Variants in SGCZ observed in about 807,000 individuals in gnomAD.
The protein encoded by SGCZ is sarcoglycan zeta, also known as zeta-sarcoglycan.
SGCZ carries 40 observed loss-of-function variants against 41.3 expected under a neutral mutation model. That is an observed-to-expected ratio of 0.97 (90% CI 0.75 to 1.26). SGCZ has a LOEUF of 1.26. SGCZ is among the 50% of genes most tolerant of loss of function. SGCZ has a pLI of 0.00. For synonymous variants in SGCZ, 206 were observed against 137.5 expected (o/e 1.50, Z -3.49); for missense variants, 552 against 369.8 (o/e 1.49, Z -4.04).
chr8:14,336,985 CA>C (rs1352532660), intron 2 of SGCZ, among the ~76,000 whole-genome samples: 1 of 152,100 alleles, frequency 6.6e-6, no homozygotes, highest in Non-Finnish European at 1.5e-5. Context: ...TCCAGGTGTA[CA>C]GAGGGAAGTG....
chr8:15,172,154 G>GTTTTTTTTTTTTTTTTTTTTTTTTTTTT (rs1183210302), intron 1 of SGCZ, among the ~76,000 whole-genome samples: 1 of 71,774 alleles, frequency 1.4e-5, no homozygotes, highest in African/African-American at 5.1e-5. Flanking sequence ...TTTATACTCT[G>GTTTTTTTTTTTTTTTTTTTTTTTTTTTT]TTTTTTTTTT....
chr8:15,108,004 TAC>T (rs1585569590), intron 1 of SGCZ, among the ~76,000 whole-genome samples: 1 of 152,208 alleles, frequency 6.6e-6, no homozygotes, highest in African/African-American at 2.4e-5. Context: ...TTCGAATTTA[TAC>T]AGTCTTATTT....
At chr8:15,047,838 G>A (rs1804368598) in intron 1 of SGCZ, among the ~76,000 whole-genome samples, 1 of 152,112 alleles carries the variant, frequency 6.6e-6, no homozygotes, top group Middle Eastern at 3.4e-3. Context: ...ACAAACAACA[G>A]ATACTGGTGA....
chr8:14,690,228 T>C (rs1281848856), intron 1 of SGCZ, among the ~76,000 whole-genome samples: 1 of 151,898 alleles, frequency 6.6e-6, no homozygotes, highest in Non-Finnish European at 1.5e-5. Flanking sequence ...CCTATTACGG[T>C]CTGAAATAAT....
intron 1 of SGCZ, among the ~76,000 whole-genome samples, chr8:14,951,457 T>C (rs1356940416): frequency 3.9e-5 from 6 of 152,060 alleles, no homozygotes; most frequent in African/African-American, 1.4e-4. Context: ...TAACTTATTC[T>C]TAAATACTTC....
rs35421677 is a variant in SGCZ at position 15,223,856 on chromosome 8, T to TTTTATTTA, written c.39+13721_39+13728dup. 6.3e-3 allele frequency among the ~76,000 whole-genome samples: 951 copies of TTTTATTTA among 149,770 alleles called. 7 individuals are homozygous for TTTTATTTA. Among genetic ancestry groups the TTTTATTTA allele is most frequent in the African/African-American group, 0.013 (525 of 40,658 alleles). ...GCCAGCGAAAAGCTCCTTTTTAAAT[T>TTTTATTTA]TTTATTTATTTATTTATTTATTTAT... On this transcript the variant is annotated intron_variant, in intron 1 of 7. Coordinates refer to ENST00000382080, the MANE Select transcript of SGCZ (RefSeq NM_139167.4).
In SGCZ at chr8:14,823,494, TC is replaced by T. The variant is rs1223215217; in HGVS notation, c.40-268569del. Reference sequence around the variant, plus strand: ...ATGAAAAAATGCTCAACATTTCTAATCGTCAAGCAACTACAACTTAAAGTTA... The same window carrying T: ...ATGAAAAAATGCTCAACATTTCTAATGTCAAGCAACTACAACTTAAAGTTA... On this transcript the variant is annotated intron_variant, in intron 1 of 7. Coordinates refer to ENST00000382080, the MANE Select transcript of SGCZ (RefSeq NM_139167.4). Among the ~76,000 whole-genome samples the T allele has an allele frequency of 3.3e-5, 5 of 152,150 alleles. No homozygotes were observed. In the East Asian group the frequency reaches 9.6e-4, roughly 29 times the overall value.
intron 2 of SGCZ, among the ~76,000 whole-genome samples, chr8:14,551,472 AT>A (rs1230210238): frequency 0.42 from 7,895 of 18,654 alleles, 2,639 homozygotes; most frequent in African/African-American, 0.65. Flanking sequence ...TATTATATAT[AT>A]TATATATTAT....
chr8:14,179,676 C>T (rs1035051345), intron 4 of SGCZ, among the ~76,000 whole-genome samples: 1 of 152,168 alleles, frequency 6.6e-6, no homozygotes, highest in East Asian at 1.9e-4. Context: ...GGGCTGAGCA[C>T]AGTCATCAAA....
At chr8:14,951,424 C>A (rs931147) in intron 1 of SGCZ, among the ~76,000 whole-genome samples, 82,159 of 151,718 alleles carry the variant, frequency 0.54, 22,396 homozygotes, top group Admixed American at 0.6. Context: ...AGGAAAGAGG[C>A]TATTTTTACA....
intron 1 of SGCZ, among the ~76,000 whole-genome samples, chr8:15,214,753 T>C (rs1411878886): frequency 6.6e-6 from 1 of 152,158 alleles, no homozygotes; most frequent in Non-Finnish European, 1.5e-5. Context: ...TGACTTACCT[T>C]CTTCTTTCAA....
At chr8:14,279,174 G>T (rs1800338486) in intron 3 of SGCZ, among the ~76,000 whole-genome samples, 1 of 151,830 alleles carries the variant, frequency 6.6e-6, no homozygotes, top group South Asian at 2.1e-4. Flanking sequence ...AAGCTCAATA[G>T]GTCCCTGAGG....
At chr8:14,150,557 T>A (rs542627042) in intron 5 of SGCZ, among the ~76,000 whole-genome samples, 56 of 152,284 alleles carry the variant, frequency 3.7e-4, no homozygotes, top group African/African-American at 1.3e-3. Flanking sequence ...AGGGAACCCT[T>A]GTATACTATT....
At chr8:14,995,029 T>C (rs1802164579) in intron 1 of SGCZ, among the ~76,000 whole-genome samples, 1 of 152,234 alleles carries the variant, frequency 6.6e-6, no homozygotes, top group South Asian at 2.1e-4. Context: ...CTGTGTTTCT[T>C]AGGACCATGA....
intron 1 of SGCZ, among the ~76,000 whole-genome samples, chr8:14,770,150 T>C: frequency 1.4e-5 from 1 of 70,838 alleles, no homozygotes; most frequent in Non-Finnish European, 2.4e-5. Flanking sequence ...ATATACATAA[T>C]ATATTTAACA....
chr8:14,849,474 A>G (rs1803242679), intron 1 of SGCZ, among the ~76,000 whole-genome samples: 1 of 152,204 alleles, frequency 6.6e-6, no homozygotes, highest in Non-Finnish European at 1.5e-5. Flanking sequence ...ATCAATAAAC[A>G]GAATCAGAAT....
At chr8:15,119,180 G>C (rs1028204811) in intron 1 of SGCZ, among the ~76,000 whole-genome samples, 38 of 152,058 alleles carry the variant, frequency 2.5e-4, no homozygotes, top group Non-Finnish European at 1.2e-4. Flanking sequence ...AAATAGCAAT[G>C]AACATCAAAA....
At chr8:14,298,987 T>C (rs62497771) in intron 3 of SGCZ, among the ~76,000 whole-genome samples, 7,399 of 152,100 alleles carry the variant, frequency 0.049, 269 homozygotes, top group East Asian at 0.17. Flanking sequence ...ATTATATTGG[T>C]ATAATGAAAG....
chr8:14,885,376 C>T (rs187037785), intron 1 of SGCZ, among the ~76,000 whole-genome samples: 136 of 152,220 alleles, frequency 8.9e-4, no homozygotes, highest in African/African-American at 3.1e-3. Context: ...GGGACTAACA[C>T]CTATAATTTC....
Sources: gnomAD v4.1 joint callset for allele counts (sites outside exome capture counted in the v4.1 genomes callset) on GRCh38, gnomAD v4.1.1 for gene constraint, MANE v1.5 for transcripts, NCBI Gene and HGNC (gene_info 2026-07-23, HGNC 2026-07-21) for gene names.